Variants in GFPT2 observed in about 807,000 individuals in gnomAD.
GFPT2 encodes the protein glutamine--fructose-6-phosphate aminotransferase [isomerizing] 2.
GFPT2 carries 62 observed loss-of-function variants against 85.6 expected under a neutral mutation model. The ratio of observed to expected loss-of-function variants is 0.72; its 90% CI spans 0.59 to 0.90. GFPT2 has a LOEUF of 0.90. Among genes scored for constraint, GFPT2 ranks in the 40% least tolerant of loss-of-function variants. GFPT2 has a pLI of 0.00. For missense variants in GFPT2, 788 were observed against 893.4 expected, an observed-to-expected ratio of 0.88 and a Z score of 1.50; for synonymous variants, 368 against 344.5, an observed-to-expected ratio of 1.07 and a Z score of -0.75.
intron 15 of GFPT2, among the ~76,000 whole-genome samples, chr5:180,311,429 C>T (rs547719501): frequency 1.3e-5 from 2 of 152,302 alleles, no homozygotes; most frequent in South Asian, 4.1e-4. Flanking sequence ...CCACGGTCCC[C>T]AAGGAGGTCA....
chr5:180,316,556 A>G, intron 12 of GFPT2, 95 bp from the exon 13 acceptor site: 1 of 1,378,610 alleles, frequency 7.3e-7, no homozygotes, highest in East Asian at 2.3e-5. Flanking sequence ...TGTGACACGG[A>G]ACCTCACTGT....
chr5:180,302,625 A>G (rs2303005), intron 17 of GFPT2, 41 bp from the exon 18 acceptor site: 330,992 of 1,532,754 alleles, frequency 0.22, 37,337 homozygotes, highest in East Asian at 0.42. Flanking sequence ...ACCCTCTCTG[A>G]AAGAAGCTAT....
intron 7 of GFPT2, among the ~76,000 whole-genome samples, chr5:180,326,856 G>A (rs1764218958): frequency 6.6e-6 from 1 of 152,100 alleles, no homozygotes; most frequent in African/African-American, 2.4e-5. Flanking sequence ...CTCAGTTATA[G>A]GCAATTTAGA....
At chr5:180,336,067 CCCA>C (rs1581385774) in intron 3 of GFPT2, 114 bp from the exon 4 acceptor site, 2 of 948,840 alleles carry the variant, frequency 2.1e-6, no homozygotes, top group East Asian at 5.3e-5. Flanking sequence ...ATGGCACCTC[CCCA>C]CCAGCTCCCA....
At chr5:180,326,265 C>A (rs371532661) in intron 7 of GFPT2, among the ~76,000 whole-genome samples, 1 of 151,282 alleles carries the variant, frequency 6.6e-6, no homozygotes, top group African/African-American at 2.4e-5. Context: ...CCCCTCTACA[C>A]ATTAATTTAT....
In GFPT2 at chr5:180,330,372, T is replaced by G. The variant is rs1764280623; in HGVS notation, c.534+328A>C. ...CCTCGCTTGGTACCACAACTCTCTC[T>G]GCACACCACCACCAAGCTCACGTGT... On this transcript the variant is annotated intron_variant, in intron 6 of 18. Transcript: ENST00000253778. The surrounding 1 kb of genome is among the most constrained non-coding windows in gnomAD (Gnocchi z 4.4). Among the ~76,000 whole-genome samples the G allele has an allele frequency of 1.3e-5, 2 of 152,162 alleles. No homozygotes were observed. The highest frequency in any genetic ancestry group is 1.3e-4 in the Admixed American group (2 of 15,282).
intron 1 of GFPT2, chr5:180,352,887 G>C: frequency 2.2e-6 from 1 of 450,638 alleles, no homozygotes; most frequent in Non-Finnish European, 3.9e-6. Flanking sequence ...CATGGGGTGG[G>C]GACCCCTCTG....
intron 16 of GFPT2, among the ~76,000 whole-genome samples, chr5:180,306,562 C>T (rs568610064): frequency 1.4e-3 from 216 of 152,272 alleles, no homozygotes; most frequent in Admixed American, 3.4e-3. Context: ...TCTTTCCTGG[C>T]GTGGATCTTT....
At chr5:180,308,218 G>C (rs536558044) in intron 15 of GFPT2, among the ~76,000 whole-genome samples, 1 of 151,268 alleles carries the variant, frequency 6.6e-6, no homozygotes, top group Non-Finnish European at 1.5e-5. Context: ...ATGGCACCAC[G>C]GCACTCCAGC....
rs1239527929 is a variant in GFPT2, at chr5:180,317,754, G to A, written c.959-696C>T. Among the ~76,000 whole-genome samples, 20 of 57,464 alleles carry A rather than the reference G, an allele frequency of 3.5e-4. 1 individual carries two copies. Among genetic ancestry groups the A allele is most frequent in the South Asian group, 1.5e-3 (2 of 1,352 alleles). 37.7% of individuals were successfully genotyped at this position (57,464 alleles called of 152,430 possible). A position where few individuals can be genotyped will look rare whatever the true frequency, so the allele number is the denominator to read the frequency against. On this transcript the variant is annotated intron_variant, in intron 10 of 18. Coordinates refer to ENST00000253778, the MANE Select transcript of GFPT2 (RefSeq NM_005110.4). ...AGCCTGGGCGACAGAGCAAGACTCC[G>A]TCTCAAAAAAAAAAAAAAAAAAACC...
chr5:180,334,224 T>C (rs1188208247), intron 4 of GFPT2, among the ~76,000 whole-genome samples: 2 of 152,226 alleles, frequency 1.3e-5, no homozygotes, highest in Admixed American at 6.5e-5. Flanking sequence ...TGAGTAGCCC[T>C]GGCTCCTGTG....
chr5:180,332,688 C>T (rs1489729553), intron 4 of GFPT2, among the ~76,000 whole-genome samples: 2 of 152,094 alleles, frequency 1.3e-5, no homozygotes, highest in African/African-American at 2.4e-5. Context: ...CAGGTGCTCG[C>T]CACCACACCC....
intron 14 of GFPT2, among the ~76,000 whole-genome samples, chr5:180,313,521 C>A (rs749868029): frequency 1.3e-5 from 2 of 151,108 alleles, no homozygotes; most frequent in African/African-American, 2.4e-5. Context: ...ACCCGGGAGG[C>A]GGAGCTTGCA....
chr5:180,307,280 G>C lies in GFPT2; in HGVS notation c.1570C>G (p.Leu524Val). Residue 524 changes from leucine to valine, a missense_variant, in exon 16 of 19, where the codon CTG becomes GTG. By Grantham distance (32) the Leu-to-Val change is conservative. Transcript: ENST00000253778. ...GCCAAGTCGTGGATCTTCTCCTCCA[G>C]AGACAGCACTTCCTTGATCAGCTCT... ...LPELIKEVLS[L>V]EEKIHDLALE... 2.5e-6 allele frequency: 4 copies of C among 1,613,980 alleles called. No homozygotes were observed. The highest frequency in any genetic ancestry group is 2.5e-6 in the Non-Finnish European group (3 of 1,179,884).
chr5:180,348,170 G>T (rs1232811778), intron 1 of GFPT2, among the ~76,000 whole-genome samples: 2 of 152,214 alleles, frequency 1.3e-5, no homozygotes, highest in African/African-American at 4.8e-5. Context: ...TAGAGATTAG[G>T]TATCATCCCA....
intron 18 of GFPT2, 103 bp from the exon 19 acceptor site, chr5:180,301,711 C>G (rs992416222): frequency 3.3e-6 from 3 of 897,520 alleles, no homozygotes; most frequent in Admixed American, 3.6e-5. Flanking sequence ...GACAGATGTT[C>G]ACCATGGTCA....
intron 16 of GFPT2, 66 bp from the exon 17 acceptor site, chr5:180,305,005 G>C: frequency 9.2e-7 from 1 of 1,091,920 alleles, no homozygotes; most frequent in Non-Finnish European, 1.4e-6. Flanking sequence ...CAGCCAGAGG[G>C]GAAGAAGGGG....
chr5:180,331,380 G>T, intron 5 of GFPT2, 115 bp downstream of exon 5: 1 of 690,038 alleles, frequency 1.4e-6, no homozygotes. Flanking sequence ...ACGTGGCTGA[G>T]TGTGGGTCTC....
At chr5:180,340,845 T>C (rs192991648) in intron 1 of GFPT2, among the ~76,000 whole-genome samples, 1 of 152,116 alleles carries the variant, frequency 6.6e-6, no homozygotes, top group Non-Finnish European at 1.5e-5. Context: ...ACTCATCCCA[T>C]TCGTGAGGCC....
Sources: gnomAD v4.1 joint callset for allele counts (sites outside exome capture counted in the v4.1 genomes callset) on GRCh38, gnomAD v4.1.1 for gene constraint, Gnocchi (gnomAD v3.1) non-coding constraint, MANE v1.5 for transcripts, NCBI Gene and HGNC (gene_info 2026-07-23, HGNC 2026-07-21) for gene names.